The following IGF2BP3 variants were observed in gnomAD, a reference collection of about 807,000 sequenced individuals.
IGF2BP3 encodes insulin-like growth factor 2 mRNA-binding protein 3.
IGF2BP3 carries 9 observed loss-of-function variants against 73.8 expected under a neutral mutation model. The ratio of observed to expected loss-of-function variants is 0.12; its 90% CI spans 0.07 to 0.21. The LOEUF is 0.21. Among genes scored for constraint, IGF2BP3 ranks in the 10% least tolerant of loss-of-function variants. The pLI, the probability that IGF2BP3 is intolerant of heterozygous loss-of-function variation, is 1.00. For missense variants in IGF2BP3, 542 were observed against 714.0 expected (o/e 0.76, Z 2.75); for synonymous variants, 258 against 256.7 (o/e 1.01, Z -0.05).
chr7:23,335,537 A>C (rs866905117), intron 10 of IGF2BP3, among the ~76,000 whole-genome samples: 1 of 151,266 alleles, frequency 6.6e-6, no homozygotes, highest in Non-Finnish European at 1.5e-5. Flanking sequence ...TTGGCCTCCC[A>C]AAGTGCTGGG....
At chr7:23,444,116 C>T (rs1788002033) in intron 2 of IGF2BP3, among the ~76,000 whole-genome samples, 1 of 152,160 alleles carries the variant, frequency 6.6e-6, no homozygotes, top group Non-Finnish European at 1.5e-5. Context: ...AAAAAGACTG[C>T]TCTGAGGTTT....
intron 3 of IGF2BP3, among the ~76,000 whole-genome samples, chr7:23,384,277 G>C (rs962296205): frequency 4.3e-4 from 65 of 151,984 alleles, no homozygotes; most frequent in African/African-American, 1.5e-3. Flanking sequence ...TTAGGACTAA[G>C]TGGGGTGGGG....
chr7:23,371,229 A>G (rs913436178), intron 3 of IGF2BP3, among the ~76,000 whole-genome samples: 3 of 152,094 alleles, frequency 2.0e-5, no homozygotes, highest in African/African-American at 7.2e-5. Context: ...GTTTCTAGAA[A>G]GGAGTCACCT....
At chr7:23,319,860 T>A (rs1291566713) in intron 10 of IGF2BP3, among the ~76,000 whole-genome samples, 1 of 152,184 alleles carries the variant, frequency 6.6e-6, no homozygotes, top group African/African-American at 2.4e-5. Flanking sequence ...AGTGGTAAGA[T>A]GCCCTAAGAT....
intron 2 of IGF2BP3, among the ~76,000 whole-genome samples, chr7:23,436,515 T>G (rs538876168): frequency 5.9e-5 from 9 of 152,192 alleles, no homozygotes; most frequent in Non-Finnish European, 1.0e-4. Flanking sequence ...CCCTACTCTC[T>G]TAAATCTAGA....
At chr7:23,415,103 C>G in intron 3 of IGF2BP3, 1 of 220,906 alleles carries the variant, frequency 4.5e-6, no homozygotes, top group Non-Finnish European at 9.2e-6. Context: ...TTAGCAGGTC[C>G]CGTCCGTCAG....
intron 2 of IGF2BP3, among the ~76,000 whole-genome samples, chr7:23,458,869 C>G (rs187545469): frequency 2.0e-5 from 3 of 152,196 alleles, no homozygotes. Context: ...CATCTCTGCT[C>G]TGACTTGCCA....
rs1251404148 is a variant in IGF2BP3, at chr7:23,312,109, T to C, written c.*253A>G. The C allele has an allele frequency of 2.1e-6, 1 of 471,546 alleles. No homozygotes were observed. The highest frequency in any genetic ancestry group is 3.8e-6 in the Non-Finnish European group (1 of 266,338). 29.2% of individuals were successfully genotyped at this position (471,546 alleles called of 1,614,324 possible). A position where few individuals can be genotyped will look rare whatever the true frequency, so the allele number is the denominator to read the frequency against. ...AAAGGGAAGTGCAGAGCTCTTCTCT[T>C]TCCCTCCCTCCCCCACCCTTTTTTT... On this transcript the variant is annotated 3_prime_UTR_variant, in exon 15 of 15. Coordinates refer to ENST00000258729, the MANE Select transcript of IGF2BP3 (RefSeq NM_006547.3).
intron 4 of IGF2BP3, 34 bp downstream of exon 4, chr7:23,361,656 T>C: frequency 1.2e-6 from 2 of 1,613,722 alleles, no homozygotes; most frequent in Non-Finnish European, 1.7e-6. Context: ...TTCCTTCCTT[T>C]TACAAATTTG....
At chr7:23,314,975 GTTATT>G (rs148922789) in intron 12 of IGF2BP3, among the ~76,000 whole-genome samples, 2,899 of 151,804 alleles carry the variant, frequency 0.019, 91 homozygotes, top group African/African-American at 0.061. Flanking sequence ...ATTTTTTGTT[GTTATT>G]TTAGTTGAGA....
intron 10 of IGF2BP3, among the ~76,000 whole-genome samples, chr7:23,340,849 CT>C (rs551566879): frequency 3.6e-3 from 507 of 139,290 alleles, no homozygotes; most frequent in Non-Finnish European, 4.7e-3. Context: ...TTTTCTTTTT[CT>C]TTTTTTTTTT....
chr7:23,379,318 T>C lies in IGF2BP3; in HGVS notation c.286-17577A>G, dbSNP rs1291026702. Among the ~76,000 whole-genome samples, 3 of 152,240 alleles carry C rather than the reference T, an allele frequency of 2.0e-5. No individual in the cohort carries two copies. In the East Asian group the frequency reaches 5.8e-4, roughly 29 times the overall value. On this transcript the variant is annotated intron_variant, in intron 3 of 14. Transcript: ENST00000258729. ...ATTTTTTGATCCCAGCCATGTTCTCTTATATCTGCTGTAGTTAAAAAACTG... is the reference window on the plus strand; with the variant it reads ...ATTTTTTGATCCCAGCCATGTTCTCCTATATCTGCTGTAGTTAAAAAACTG...
chr7:23,417,242 G>T (rs771710681), intron 3 of IGF2BP3, among the ~76,000 whole-genome samples: 3 of 152,164 alleles, frequency 2.0e-5, no homozygotes, highest in Non-Finnish European at 4.4e-5. Context: ...TTTAAAGGGA[G>T]TCAAAGGTGA....
intron 3 of IGF2BP3, among the ~76,000 whole-genome samples, chr7:23,374,833 A>G (rs965327465): frequency 3.3e-5 from 5 of 152,160 alleles, no homozygotes; most frequent in African/African-American, 9.7e-5. Flanking sequence ...AGTACAAAAG[A>G]GAGAAATTTT....
At chr7:23,359,187 G>C (rs1247052981) in intron 5 of IGF2BP3, among the ~76,000 whole-genome samples, 2 of 152,168 alleles carry the variant, frequency 1.3e-5, no homozygotes, top group Non-Finnish European at 2.9e-5. Flanking sequence ...TGCTGTCGTG[G>C]TTAGGATTCT....
chr7:23,336,117 CA>C, intron 10 of IGF2BP3, among the ~76,000 whole-genome samples: 1 of 149,192 alleles, frequency 6.7e-6, no homozygotes, highest in East Asian at 1.9e-4. Context: ...TTTCATGCTA[CA>C]AAGCAGGAAT....
chr7:23,434,105 A>G (rs1015296361), intron 2 of IGF2BP3, among the ~76,000 whole-genome samples: 1 of 151,798 alleles, frequency 6.6e-6, no homozygotes, highest in East Asian at 1.9e-4. Flanking sequence ...AAAAAAAAAA[A>G]AAAGAAAAAG....
chr7:23,397,107 G>T (rs1014829351), intron 3 of IGF2BP3, among the ~76,000 whole-genome samples: 3 of 152,164 alleles, frequency 2.0e-5, no homozygotes, highest in Non-Finnish European at 4.4e-5. Context: ...TTAATGAAAA[G>T]TATGTCTCCA....
chr7:23,371,209 T>C (rs1018242260), intron 3 of IGF2BP3, among the ~76,000 whole-genome samples: 2 of 151,282 alleles, frequency 1.3e-5, no homozygotes, highest in Non-Finnish European at 2.9e-5. Flanking sequence ...ATGTCAGTCA[T>C]TGGGGAGGGG....
Sources: allele counts gnomAD v4.1 joint callset (sites outside exome capture counted in the v4.1 genomes callset), GRCh38; gene constraint gnomAD v4.1.1; transcripts MANE v1.5; gene names NCBI Gene and HGNC (gene_info 2026-07-23, HGNC 2026-07-21).